Variants in ENDOV observed in about 807,000 individuals in gnomAD.
ENDOV encodes endonuclease V.
In ENDOV, 37 loss-of-function variants were observed where a neutral mutation model predicts 39.4. The observed-to-expected ratio is 0.94, with a 90% CI of 0.72 to 1.23. ENDOV has a LOEUF of 1.23. ENDOV is among the 50% of genes most tolerant of loss of function. ENDOV has a pLI of 0.00. For missense variants in ENDOV, 441 were observed against 375.7 expected (o/e 1.17, Z -1.44); for synonymous variants, 186 against 163.4 (o/e 1.14, Z -1.05).
rs370977155 is a variant in ENDOV at position 80,421,895 on chromosome 17, G to C, written c.296G>C (p.Arg99Pro). 6.2e-7 allele frequency: 1 copy of C among 1,610,138 alleles called. No homozygotes were observed. Among genetic ancestry groups the C allele is most frequent in the Non-Finnish European group, 8.5e-7 (1 of 1,178,860 alleles). Reference sequence around the variant, plus strand: ...TACGTGTCGGGCTTCCTGGCCTTCCGAGAGGTGCCCTTCTTGCTGGAGCTG... The same window carrying C: ...TACGTGTCGGGCTTCCTGGCCTTCCCAGAGGTGCCCTTCTTGCTGGAGCTG... ...APYVSGFLAF[R>P]EVPFLLELVQ... Residue 99 changes from arginine (R) to proline (P), a missense_variant, in exon 3 of 10, where the codon CGA becomes CCA. Coordinates refer to ENST00000518137, the MANE Select transcript of ENDOV (RefSeq NM_173627.5).
At chr17:80,428,112 T>C (rs1387796655) in intron 7 of ENDOV, among the ~76,000 whole-genome samples, 1 of 152,202 alleles carries the variant, frequency 6.6e-6, no homozygotes, top group East Asian at 1.9e-4. Flanking sequence ...CGCCCTCTTT[T>C]ATCTTGGTGA....
intron 9 of ENDOV, chr17:80,430,274 C>G (rs1568252668): frequency 1.6e-5 from 24 of 1,485,166 alleles, no homozygotes; most frequent in Non-Finnish European, 2.0e-5. Context: ...GGAGCTGCAG[C>G]CTGCACGACC....
chr17:80,425,823 G>C lies in ENDOV; in HGVS notation c.714+203G>C, dbSNP rs145424605. On this transcript the variant is annotated intron_variant, in intron 7 of 9. Transcript: ENST00000518137. ...AGGACAGTAGACTGGGGGGTGCAGGGCTCCCAAGAGTTCATCCCCAGGCCC... is the reference window on the plus strand; with the variant it reads ...AGGACAGTAGACTGGGGGGTGCAGGCCTCCCAAGAGTTCATCCCCAGGCCC... 3.0e-3 allele frequency among the ~76,000 whole-genome samples: 450 copies of C among 152,246 alleles called. 2 individuals are homozygous for C. The highest frequency in any genetic ancestry group is 0.01 in the African/African-American group (433 of 41,540).
At position 80,427,615 on chromosome 17, in the gene ENDOV, C is replaced by A. The variant is rs563325187; in HGVS notation, c.715-981C>A. The A allele has an allele frequency of 9.4e-6, 11 of 1,164,064 alleles. No individual in the cohort carries two copies. In the South Asian group the frequency reaches 1.8e-4, roughly 19 times the overall value. The allele number at this position is 1,164,064 out of a possible 1,614,324, so 72.1% of individuals were successfully genotyped here. On this transcript the variant is annotated intron_variant, in intron 7 of 9. Coordinates refer to ENST00000518137, the MANE Select transcript of ENDOV (RefSeq NM_173627.5). ...GAGCCGAGGATCGTGTCCTGCAGGG[C>A]TGGCTCTGTCTCTCGGTCCATTTTC...
chr17:80,429,277 T>G (rs574639595), intron 8 of ENDOV, among the ~76,000 whole-genome samples: 1 of 152,300 alleles, frequency 6.6e-6, no homozygotes, highest in South Asian at 2.1e-4. Context: ...GCTGGGACAC[T>G]GAGTGTTGAT....
intron 9 of ENDOV, chr17:80,433,030 A>G (rs1311031484): frequency 4.2e-6 from 2 of 481,702 alleles, no homozygotes; most frequent in Admixed American, 2.2e-5. Flanking sequence ...CCTGCCCCAA[A>G]CAAATGCCTC....
intron 9 of ENDOV, among the ~76,000 whole-genome samples, chr17:80,431,769 C>T (rs1233793954): frequency 2.0e-5 from 3 of 152,200 alleles, no homozygotes; most frequent in African/African-American, 4.8e-5. Context: ...CTGCCCTTCC[C>T]ACCGAAAGGG....
At chr17:80,424,031 C>G in intron 5 of ENDOV, 1 of 352,678 alleles carries the variant, frequency 2.8e-6, no homozygotes, top group Non-Finnish European at 5.1e-6. Context: ...ACCACAGCCT[C>G]CAGGCCCCCC....
chr17:80,415,590 GT>G, intron 1 of ENDOV, 59 bp from the exon 2 acceptor site: 2 of 1,566,188 alleles, frequency 1.3e-6, no homozygotes, highest in Non-Finnish European at 1.7e-6. Flanking sequence ...AGCCGCGCGG[GT>G]GGAGGAGGCA....
At chr17:80,430,263 C>T (rs1233039202) in intron 9 of ENDOV, 35 of 1,478,546 alleles carry the variant, frequency 2.4e-5, no homozygotes, top group Non-Finnish European at 2.9e-5. Context: ...GAAGGGGACT[C>T]GGAGCTGCAG....
At chr17:80,416,628 T>C (rs1184977086) in intron 2 of ENDOV, among the ~76,000 whole-genome samples, 1 of 152,112 alleles carries the variant, frequency 6.6e-6, no homozygotes, top group Non-Finnish European at 1.5e-5. Flanking sequence ...TGGTTTCTTT[T>C]CCATACTGCC....
In ENDOV at chr17:80,415,653, G is replaced by C; in HGVS notation, c.60G>C (p.Glu20Asp). The change falls in exon 2 of 10, where the codon GAG (glutamate) becomes GAC (aspartate). Residue 20 changes from glutamate (E) to aspartate (D), a missense_variant. Coordinates refer to ENST00000518137, the MANE Select transcript of ENDOV (RefSeq NM_173627.5). Reference protein sequence around the residue: ...PEETLSLWKREQARLKAHVVD... With the variant: ...PEETLSLWKRDQARLKAHVVD... The stretch of plus-strand genomic sequence containing the variant: ...TTTGACGCTTCTGTCCTCCTAGGGA[G>C]CAAGCTCGGCTGAAGGCCCACGTCG... 1 of 1,612,208 alleles carries C rather than the reference G, an allele frequency of 6.2e-7. No homozygotes were observed. Among genetic ancestry groups the C allele is most frequent in the Non-Finnish European group, 8.5e-7 (1 of 1,179,186 alleles).
chr17:80,415,347 G>A, intron 1 of ENDOV, 97 bp downstream of exon 1: 1 of 1,421,652 alleles, frequency 7.0e-7, no homozygotes, highest in Non-Finnish European at 9.7e-7. Flanking sequence ...TGGAATCGGA[G>A]CTGCCACCGC....
At chr17:80,427,015 G>A (rs886690097) in intron 7 of ENDOV, among the ~76,000 whole-genome samples, 4 of 152,248 alleles carry the variant, frequency 2.6e-5, no homozygotes, top group African/African-American at 4.8e-5. Flanking sequence ...CACCACCTTC[G>A]GGCCGGGGCC....
At position 80,421,888 on chromosome 17, in the gene ENDOV, G is replaced by C; in HGVS notation, c.289G>C (p.Ala97Pro). 1 of 1,609,260 alleles carries C rather than the reference G, an allele frequency of 6.2e-7. No homozygotes were observed. The highest frequency in any genetic ancestry group is 8.5e-7 in the Non-Finnish European group (1 of 1,178,432). ...LTAPYVSGFL[A>P]FREVPFLLEL... ...AGCCCCCTACGTGTCGGGCTTCCTG[G>C]CCTTCCGAGAGGTGCCCTTCTTGCT... Residue 97 changes from alanine (A) to proline (P), a missense_variant, in exon 3 of 10, where the codon GCC (alanine) becomes CCC (proline). Coordinates refer to ENST00000518137, the MANE Select transcript of ENDOV (RefSeq NM_173627.5).
intron 2 of ENDOV, 59 bp downstream of exon 2, chr17:80,415,880 C>T (rs980797688): frequency 6.5e-7 from 1 of 1,539,234 alleles, no homozygotes; most frequent in Non-Finnish European, 8.8e-7. Context: ...GGCGTGCGGT[C>T]TCCGGGACAG....
At position 80,431,441 on chromosome 17, in the gene ENDOV, C is replaced by G. The variant is rs575884230; in HGVS notation, c.838+1610C>G. Among the ~76,000 whole-genome samples, 7 of 152,216 alleles carry G rather than the reference C, an allele frequency of 4.6e-5. No individual in the cohort carries two copies. The East Asian group carries it at 1.4e-3, about 29-fold the overall frequency. The stretch of plus-strand genomic sequence containing the variant: ...TATAAGAAGTAGACTCACTCCAGGA[C>G]AAGTGGGGCTGGGGGGAGCGGATGC... On this transcript the variant is annotated intron_variant, in intron 9 of 9. Transcript: ENST00000518137.
chr17:80,423,079 C>T (rs1437757859), intron 4 of ENDOV, among the ~76,000 whole-genome samples: 1 of 152,214 alleles, frequency 6.6e-6, no homozygotes, highest in Non-Finnish European at 1.5e-5. Context: ...GGAGGGGTGA[C>T]ATTGGGCCTT....
At position 80,436,330 on chromosome 17, in the gene ENDOV, G is replaced by T. The variant is rs1426083706; in HGVS notation, c.*187G>T. 8 of 1,562,848 alleles carry T rather than the reference G, an allele frequency of 5.1e-6. No homozygotes were observed. The highest frequency in any genetic ancestry group is 6.9e-6 in the Non-Finnish European group (8 of 1,158,800). On this transcript the variant is annotated 3_prime_UTR_variant, in exon 10 of 10. Coordinates refer to ENST00000518137, the MANE Select transcript of ENDOV (RefSeq NM_173627.5). ...TTCCTGATCGAACGTGGTGGTGAGA[G>T]CACACGTCCTTGTCTTGTTCCTGAT...
Sources: allele counts gnomAD v4.1 joint callset (sites outside exome capture counted in the v4.1 genomes callset), GRCh38; gene constraint gnomAD v4.1.1; transcripts MANE v1.5; gene names NCBI Gene and HGNC (gene_info 2026-07-23, HGNC 2026-07-21).